Variants in HPSE2 observed in about 807,000 individuals in gnomAD.
HPSE2 encodes inactive heparanase-2.
In HPSE2, 38 loss-of-function variants were observed where a neutral mutation model predicts 60.5. The ratio of observed to expected loss-of-function variants is 0.63; its 90% CI spans 0.48 to 0.82. The LOEUF is 0.82. HPSE2 is among the 40% of genes least tolerant of loss of function. The pLI is 0.00. For missense variants in HPSE2, 713 were observed against 740.4 expected (o/e 0.96, Z 0.43); for synonymous variants, 295 against 293.2 (o/e 1.01, Z -0.06).
At chr10:99,274,344 A>C in the HPSE2 span, among the ~76,000 whole-genome samples, 4 of 152,180 alleles carry the variant, frequency 2.6e-5, no homozygotes, top group African/African-American at 9.7e-5. Flanking sequence ...TCAAAATAAA[A>C]AGAAACAGTG....
At chr10:99,215,124 C>T (rs1227415668) in intron 2 of HPSE2, among the ~76,000 whole-genome samples, 1 of 152,060 alleles carries the variant, frequency 6.6e-6, no homozygotes, top group African/African-American at 2.4e-5. Flanking sequence ...CCCGGCCCAA[C>T]CTAAACTATA....
intron 3 of HPSE2, among the ~76,000 whole-genome samples, chr10:98,958,453 AATAATG>A (rs1955563986): frequency 6.6e-6 from 1 of 152,112 alleles, no homozygotes; most frequent in African/African-American, 2.4e-5. Context: ...TAAATGAATA[AATAATG>A]ATAATGATTA....
intron 3 of HPSE2, among the ~76,000 whole-genome samples, chr10:98,976,235 T>A (rs1291530948): frequency 6.6e-6 from 1 of 152,166 alleles, no homozygotes; most frequent in Admixed American, 6.5e-5. Flanking sequence ...ATATTTACTA[T>A]AATATATTTC....
chr10:98,529,541 T>A (rs189954715), intron 9 of HPSE2, among the ~76,000 whole-genome samples: 5 of 152,330 alleles, frequency 3.3e-5, no homozygotes, highest in Non-Finnish European at 5.9e-5. Context: ...AAACCTCACA[T>A]GCCCTCAACT....
At chr10:98,882,916 A>G (rs1423390406) in intron 3 of HPSE2, among the ~76,000 whole-genome samples, 3 of 152,136 alleles carry the variant, frequency 2.0e-5, no homozygotes, top group African/African-American at 7.2e-5. Context: ...CAAATATCAC[A>G]GTATTAGCAG....
chr10:98,886,613 A>G (rs1236870761), intron 3 of HPSE2, among the ~76,000 whole-genome samples: 1 of 152,094 alleles, frequency 6.6e-6, no homozygotes, highest in Non-Finnish European at 1.5e-5. Context: ...ACTCACTAGG[A>G]GGAGCTTTGA....
intron 3 of HPSE2, among the ~76,000 whole-genome samples, chr10:99,082,193 A>G (rs1242341178): frequency 6.6e-6 from 1 of 152,176 alleles, no homozygotes; most frequent in Non-Finnish European, 1.5e-5. Flanking sequence ...CACCGCGTCA[A>G]TGAGAAGAAA....
chr10:98,806,515 G>A (rs530703143), intron 3 of HPSE2, among the ~76,000 whole-genome samples: 2 of 152,250 alleles, frequency 1.3e-5, no homozygotes, highest in South Asian at 2.1e-4. Context: ...GAGACCATGG[G>A]CAAGTCACTT....
chr10:98,758,659 G>A (rs1303662062), intron 3 of HPSE2, among the ~76,000 whole-genome samples: 1 of 152,136 alleles, frequency 6.6e-6, no homozygotes, highest in African/African-American at 2.4e-5. Context: ...CAGGCAGAAT[G>A]GCTGTTATTA....
chr10:99,069,648 C>G (rs879402678), intron 3 of HPSE2, among the ~76,000 whole-genome samples: 1 of 151,028 alleles, frequency 6.6e-6, no homozygotes, highest in Non-Finnish European at 1.5e-5. Flanking sequence ...ATCTTCTTCA[C>G]AGTTGTGAGT....
At chr10:98,905,530 A>G (rs376086893) in intron 3 of HPSE2, among the ~76,000 whole-genome samples, 16 of 152,214 alleles carry the variant, frequency 1.1e-4, no homozygotes, top group African/African-American at 3.6e-4. Flanking sequence ...AAATACTTAC[A>G]TGTTCAGGAT....
rs528223537 is a variant in HPSE2 at position 99,037,717 on chromosome 10, C to T, written c.610+106521G>A. On this transcript the variant is annotated intron_variant, in intron 3 of 11. Transcript: ENST00000370552. Reference sequence around the variant, plus strand: ...ATCAACCAATGATGATAATGTTCTACGACATGAGGGAAATGATTAATTCAA... The same window carrying T: ...ATCAACCAATGATGATAATGTTCTATGACATGAGGGAAATGATTAATTCAA... Among the ~76,000 whole-genome samples the T allele has an allele frequency of 5.9e-5, 9 of 151,750 alleles. No homozygotes were observed. The East Asian group carries it at 1.2e-3, about 20-fold the overall frequency.
chr10:98,950,307 C>T (rs1955317680), intron 3 of HPSE2, among the ~76,000 whole-genome samples: 1 of 152,122 alleles, frequency 6.6e-6, no homozygotes, highest in African/African-American at 2.4e-5. Flanking sequence ...CCAGCCCACC[C>T]ACACACAAGG....
At chr10:99,044,821 C>G (rs1482325026) in intron 3 of HPSE2, among the ~76,000 whole-genome samples, 2 of 152,150 alleles carry the variant, frequency 1.3e-5, no homozygotes. Context: ...ACTTAACTAT[C>G]CTAAAATATA....
chr10:98,847,684 G>C (rs1411694725), intron 3 of HPSE2, among the ~76,000 whole-genome samples: 1 of 152,208 alleles, frequency 6.6e-6, no homozygotes, highest in African/African-American at 2.4e-5. Flanking sequence ...TGCCACCTCT[G>C]CCTTAGGTAA....
intron 3 of HPSE2, among the ~76,000 whole-genome samples, chr10:99,138,615 C>T (rs1302945735): frequency 2.6e-5 from 4 of 152,128 alleles, no homozygotes; most frequent in Admixed American, 1.3e-4. Flanking sequence ...AGCTGGAAAC[C>T]ATCATTCTCA....
chr10:98,774,529 T>C (rs1247488502), intron 3 of HPSE2, among the ~76,000 whole-genome samples: 1 of 152,148 alleles, frequency 6.6e-6, no homozygotes. Context: ...AGAAATCTGG[T>C]GGAGGCTCTC....
chr10:98,525,337 C>CCCG (rs1340529556), intron 9 of HPSE2, among the ~76,000 whole-genome samples: 1 of 152,188 alleles, frequency 6.6e-6, no homozygotes, highest in Non-Finnish European at 1.5e-5. Context: ...ATGTAGAGGT[C>CCCG]CCGCATTTCA....
chr10:99,242,406 T>C, the HPSE2 span, among the ~76,000 whole-genome samples: 1 of 152,214 alleles, frequency 6.6e-6, no homozygotes, highest in Admixed American at 6.5e-5. Flanking sequence ...ACTACTGCCA[T>C]CAAGCAGTAC....
Sources: gnomAD v4.1 joint callset for allele counts (sites outside exome capture counted in the v4.1 genomes callset) on GRCh38, gnomAD v4.1.1 for gene constraint, MANE v1.5 for transcripts, NCBI Gene and HGNC (gene_info 2026-07-23, HGNC 2026-07-21) for gene names.